ADAMTSL3: variants seen among roughly 807,000 people sequenced by gnomAD.
ADAMTSL3 encodes the protein ADAMTS like 3, also known as ADAMTS-like protein 3.
In ADAMTSL3, 128 loss-of-function variants were observed where a neutral mutation model predicts 201.7. The observed-to-expected ratio is 0.63, with a 90% CI of 0.55 to 0.73. ADAMTSL3 has a LOEUF of 0.73. ADAMTSL3 is among the 30% of genes least tolerant of loss of function. The pLI is 0.00. For missense variants in ADAMTSL3, 1,990 were observed against 2,119.6 expected (o/e 0.94, Z 1.20); for synonymous variants, 738 against 748.4 (o/e 0.99, Z 0.23).
At chr15:83,920,892 G>A (rs1045255716) in intron 16 of ADAMTSL3, among the ~76,000 whole-genome samples, 1 of 152,094 alleles carries the variant, frequency 6.6e-6, no homozygotes, top group African/African-American at 2.4e-5. Flanking sequence ...TTGGGATTGA[G>A]GGGGAGCATC....
intron 9 of ADAMTSL3, among the ~76,000 whole-genome samples, chr15:83,879,221 T>A (rs569473500): frequency 6.6e-6 from 1 of 152,170 alleles, no homozygotes; most frequent in Non-Finnish European, 1.5e-5. Flanking sequence ...GGTTCATGAC[T>A]GTTTTACTCT....
At chr15:83,782,112 C>T (rs2063179263) in intron 4 of ADAMTSL3, among the ~76,000 whole-genome samples, 1 of 152,150 alleles carries the variant, frequency 6.6e-6, no homozygotes, top group South Asian at 2.1e-4. Context: ...TATAAAGACA[C>T]TTGCATGTAT....
At position 83,870,668 on chromosome 15, in the gene ADAMTSL3, G is replaced by T. The variant is rs4842919; in HGVS notation, c.803-134G>T. On this transcript the variant is annotated intron_variant, in intron 8 of 29. Transcript: ENST00000286744. The stretch of plus-strand genomic sequence containing the variant: ...ATATATCTATTCCACCAATATCAAT[G>T]AATGTTTGTAAACTGAGTGGCTATT... 170,764 of 706,306 alleles carry T rather than the reference G, an allele frequency of 0.24. 23,380 individuals carry two copies. The highest frequency in any genetic ancestry group is 0.28 in the Non-Finnish European group (131,381 of 463,412). 43.8% of individuals were successfully genotyped at this position (706,306 alleles called of 1,614,324 possible). A position where few individuals can be genotyped will look rare whatever the true frequency, so the allele number is the denominator to read the frequency against.
intron 11 of ADAMTSL3, among the ~76,000 whole-genome samples, chr15:83,890,552 T>C (rs538132789): frequency 6.6e-6 from 1 of 152,354 alleles, no homozygotes; most frequent in African/African-American, 2.4e-5. Context: ...ATCATAAATA[T>C]CTTTCACTCA....
chr15:83,830,837 G>A (rs938660366), intron 6 of ADAMTSL3, among the ~76,000 whole-genome samples: 2 of 152,140 alleles, frequency 1.3e-5, no homozygotes, highest in Non-Finnish European at 2.9e-5. Flanking sequence ...CCATTTGCAG[G>A]AGGCCAGACT....
At chr15:84,027,623 T>C (rs1300215522) in intron 27 of ADAMTSL3, among the ~76,000 whole-genome samples, 1 of 151,780 alleles carries the variant, frequency 6.6e-6, no homozygotes, top group Admixed American at 6.6e-5. Context: ...GGCAGGAGAA[T>C]GGTGTGAACC....
intron 5 of ADAMTSL3, among the ~76,000 whole-genome samples, chr15:83,815,994 C>T (rs185420918): frequency 6.6e-6 from 1 of 152,312 alleles, no homozygotes; most frequent in East Asian, 1.9e-4. Flanking sequence ...CAGAAGTCCA[C>T]TTAGATTAGC....
intron 3 of ADAMTSL3, among the ~76,000 whole-genome samples, chr15:83,731,044 T>C (rs1474058818): frequency 6.6e-6 from 1 of 152,100 alleles, no homozygotes; most frequent in Admixed American, 6.6e-5. Flanking sequence ...CTTTTCCCAT[T>C]GTATATTCTT....
At position 83,716,871 on chromosome 15, in the gene ADAMTSL3, A is replaced by AT. The variant is rs1273647731; in HGVS notation, c.189+12366dup. On this transcript the variant is annotated intron_variant, in intron 3 of 29. Transcript: ENST00000286744. The stretch of plus-strand genomic sequence containing the variant: ...CTTCTCTTAATCCCTTCCCTCTGGG[A>AT]TTTAATGCTAACAGGGTTTTTAAAA... Among the ~76,000 whole-genome samples, 5 of 152,274 alleles carry AT rather than the reference A, an allele frequency of 3.3e-5. No homozygotes were observed. The South Asian group carries it at 1.0e-3, about 32-fold the overall frequency.
At chr15:83,771,819 C>G (rs749945213) in intron 3 of ADAMTSL3, among the ~76,000 whole-genome samples, 7 of 151,870 alleles carry the variant, frequency 4.6e-5, no homozygotes, top group African/African-American at 9.7e-5. Flanking sequence ...TATAGTAATT[C>G]TATAGTAATT....
chr15:83,770,726 C>T (rs2062968479), intron 3 of ADAMTSL3, among the ~76,000 whole-genome samples: 1 of 151,938 alleles, frequency 6.6e-6, no homozygotes, highest in Non-Finnish European at 1.5e-5. Context: ...TCTAATAGAT[C>T]TGGAATTTAT....
At chr15:83,732,095 A>G (rs184293077) in intron 3 of ADAMTSL3, among the ~76,000 whole-genome samples, 11 of 152,206 alleles carry the variant, frequency 7.2e-5, no homozygotes, top group Admixed American at 7.2e-4. Flanking sequence ...TTGCTTGACT[A>G]TAGTAATCAT....
intron 5 of ADAMTSL3, among the ~76,000 whole-genome samples, chr15:83,808,931 A>C (rs76812143): frequency 6.6e-6 from 1 of 151,578 alleles, no homozygotes; most frequent in Non-Finnish European, 1.5e-5. Flanking sequence ...AAAAAAAAAA[A>C]CAACTTGATA....
intron 20 of ADAMTSL3, among the ~76,000 whole-genome samples, chr15:83,972,667 A>G (rs2067217465): frequency 6.6e-6 from 1 of 151,956 alleles, no homozygotes; most frequent in African/African-American, 2.4e-5. Flanking sequence ...AGACAGTAAT[A>G]TTTTTTCTTT....
intron 6 of ADAMTSL3, among the ~76,000 whole-genome samples, chr15:83,831,898 A>G (rs1030195092): frequency 1.3e-5 from 2 of 152,144 alleles, no homozygotes; most frequent in African/African-American, 4.8e-5. Flanking sequence ...TGAATGCGCA[A>G]GGATATATGT....
intron 25 of ADAMTSL3, among the ~76,000 whole-genome samples, chr15:84,016,838 A>G (rs1162747137): frequency 2.0e-5 from 3 of 152,182 alleles, no homozygotes; most frequent in Admixed American, 6.5e-5. Context: ...TGAGTATTGG[A>G]ATTGATTTTT....
chr15:83,824,125 A>C (rs1390739569), intron 6 of ADAMTSL3, among the ~76,000 whole-genome samples: 31 of 149,096 alleles, frequency 2.1e-4, no homozygotes, highest in African/African-American at 7.4e-4. Flanking sequence ...CTCATTGCAG[A>C]CTCATCCTCC....
intron 20 of ADAMTSL3, among the ~76,000 whole-genome samples, chr15:83,978,196 C>G (rs986785247): frequency 1.3e-5 from 2 of 152,170 alleles, no homozygotes; most frequent in African/African-American, 2.4e-5. Flanking sequence ...TGAAGCCATG[C>G]CAGGGATATG....
At chr15:84,002,745 G>T (rs1233980360) in intron 23 of ADAMTSL3, among the ~76,000 whole-genome samples, 1 of 151,592 alleles carries the variant, frequency 6.6e-6, no homozygotes, top group Non-Finnish European at 1.5e-5. Flanking sequence ...TTTATGAATC[G>T]GACTTTCTTA....
Sources: gnomAD v4.1 joint callset for allele counts (sites outside exome capture counted in the v4.1 genomes callset) on GRCh38, gnomAD v4.1.1 for gene constraint, MANE v1.5 for transcripts, NCBI Gene and HGNC (gene_info 2026-07-23, HGNC 2026-07-21) for gene names.